NCOR1: variants seen among roughly 807,000 people sequenced by gnomAD.
The protein encoded by NCOR1 is protein phosphatase 1, regulatory subunit 109.
A neutral mutation model predicts 288.1 loss-of-function variants in NCOR1; 63 were observed. The observed-to-expected ratio is 0.22, with a 90% CI of 0.18 to 0.27. The LOEUF (loss-of-function observed/expected upper bound fraction) is 0.27. NCOR1 is among the 10% of genes least tolerant of loss of function. The pLI is 1.00. For synonymous variants in NCOR1, 1,007 were observed against 1,065.9 expected (o/e 0.94, Z 1.08); for missense variants, 2,397 against 3,019.2 (o/e 0.79, Z 4.83).
chr17:16,210,029 A>G (rs953628892), intron 1 of NCOR1, among the ~76,000 whole-genome samples: 1 of 152,204 alleles, frequency 6.6e-6, no homozygotes, highest in African/African-American at 2.4e-5. Flanking sequence ...ATACTTAAAA[A>G]AAAAATCCAG....
chr17:16,089,822 T>C (rs892259663), intron 22 of NCOR1, among the ~76,000 whole-genome samples: 2 of 152,108 alleles, frequency 1.3e-5, no homozygotes, highest in African/African-American at 4.8e-5. Context: ...AACTACAGGA[T>C]AGACTCAAGG....
chr17:16,057,657 G>A lies in NCOR1; in HGVS notation c.6249C>T (p.Asn2083=). Residue 2083 remains asparagine, a synonymous_variant, in exon 40 of 46, where the codon AAC becomes AAT. Transcript: ENST00000268712. ...PQQPPTSTFQ[N]SPSALVSTPV... ...GTGTAGATACCAAAGCAGAAGGTGAGTTCTGGAATGTAGAAGTAGGAGGCT... is the reference window on the plus strand; with the variant it reads ...GTGTAGATACCAAAGCAGAAGGTGAATTCTGGAATGTAGAAGTAGGAGGCT... The A allele has an allele frequency of 1.2e-6, 2 of 1,613,894 alleles. No homozygotes were observed. Among genetic ancestry groups the A allele is most frequent in the Non-Finnish European group, 1.7e-6 (2 of 1,179,968 alleles).
At chr17:16,069,579 A>G (rs1426321561) in intron 31 of NCOR1, among the ~76,000 whole-genome samples, 3 of 152,238 alleles carry the variant, frequency 2.0e-5, no homozygotes, top group Admixed American at 1.3e-4. Flanking sequence ...CAACAATAAT[A>G]ACAACAGTAA....
intron 4 of NCOR1, among the ~76,000 whole-genome samples, chr17:16,166,560 G>A (rs2082044065): frequency 6.6e-6 from 1 of 151,904 alleles, no homozygotes; most frequent in Non-Finnish European, 1.5e-5. Context: ...GGCACCTGTA[G>A]TCCCAGTTAC....
chr17:16,158,626 T>A lies in NCOR1; in HGVS notation c.732+134A>T, dbSNP rs570334122. On this transcript the variant is annotated intron_variant, in intron 6 of 45. Coordinates refer to ENST00000268712, the MANE Select transcript of NCOR1 (RefSeq NM_006311.4). ...ACACCAAGCTTCAGTCAGCCAAAGT[T>A]TATGAACATTCAAAATTGTAAGAGA... is the stretch of plus-strand genomic sequence containing the variant. 6.5e-5 allele frequency: 34 copies of A among 523,436 alleles called. No homozygotes were observed. The East Asian group carries it at 8.5e-4, about 13-fold the overall frequency. 32.4% of individuals were successfully genotyped at this position (523,436 alleles called of 1,614,324 possible).
In NCOR1 at chr17:16,138,301, T is replaced by G. The variant is rs111869420; in HGVS notation, c.1353-89A>C. On this transcript the variant is annotated intron_variant, in intron 12 of 45. Coordinates refer to ENST00000268712, the MANE Select transcript of NCOR1 (RefSeq NM_006311.4). ...AACTTGGGAAAAGAAAGACTATGTATAGGCTGGGCGTGGTGGCTCATGCCT... is the reference window on the plus strand; with the variant it reads ...AACTTGGGAAAAGAAAGACTATGTAGAGGCTGGGCGTGGTGGCTCATGCCT... 1,616 of 1,183,152 alleles carry G rather than the reference T, an allele frequency of 1.4e-3. 23 individuals carry two copies. In the African/African-American group the frequency reaches 0.023, roughly 17 times the overall value. 73.3% of individuals were successfully genotyped at this position (1,183,152 alleles called of 1,614,324 possible).
intron 2 of NCOR1, among the ~76,000 whole-genome samples, chr17:16,192,393 C>T (rs146078549): frequency 3.3e-5 from 5 of 152,144 alleles, no homozygotes; most frequent in Admixed American, 1.3e-4. Context: ...CAGTGGCTCA[C>T]GCCTGTAATC....
Position 16,092,685 on chromosome 17 carries a change from ATATATATATATTTTT to A in NCOR1, c.2821-642_2821-628del, listed in dbSNP as rs1437617090. Among the ~76,000 whole-genome samples the A allele has an allele frequency of 2.0e-3, 27 of 13,846 alleles. 2 individuals are homozygous for A. Among genetic ancestry groups the A allele is most frequent in the South Asian group, 0.012 (3 of 256 alleles). The allele number at this position is 13,846 out of a possible 152,430, so 9.1% of individuals were successfully genotyped here. A position where few individuals can be genotyped will look rare whatever the true frequency, so the allele number is the denominator to read the frequency against. On this transcript the variant is annotated intron_variant, in intron 21 of 45. Coordinates refer to ENST00000268712, the MANE Select transcript of NCOR1 (RefSeq NM_006311.4). Reference sequence around the variant, plus strand: ...TATATATATATATATATATATATATATATATATATATTTTTTTTTTTTTTTTTTTTTAAGACATAG... The same window carrying A: ...TATATATATATATATATATATATATATTTTTTTTTTTTTTTTAAGACATAG...
At chr17:16,114,438 G>T (rs1359763840) in intron 18 of NCOR1, among the ~76,000 whole-genome samples, 20 of 152,084 alleles carry the variant, frequency 1.3e-4, no homozygotes. Context: ...GTCCTCCAAA[G>T]TCTTCACTAA....
At chr17:16,159,336 C>A (rs1401682012) in intron 5 of NCOR1, among the ~76,000 whole-genome samples, 1 of 149,372 alleles carries the variant, frequency 6.7e-6, no homozygotes, top group Non-Finnish European at 1.5e-5. Flanking sequence ...TCACTTGAAC[C>A]CGGGAGGTGG....
chr17:16,197,644 T>C (rs2090085536), intron 1 of NCOR1, among the ~76,000 whole-genome samples: 1 of 152,282 alleles, frequency 6.6e-6, no homozygotes, highest in Middle Eastern at 3.4e-3. Flanking sequence ...GAAAAACTAA[T>C]GTTTTCTGCA....
intron 18 of NCOR1, among the ~76,000 whole-genome samples, chr17:16,109,885 C>A (rs1042203205): frequency 6.6e-6 from 1 of 152,196 alleles, no homozygotes; most frequent in African/African-American, 2.4e-5. Context: ...AAGCACCCGC[C>A]ACCAGGCCCA....
intron 43 of NCOR1, 81 bp from the exon 44 acceptor site, chr17:16,039,735 T>A: frequency 8.0e-7 from 1 of 1,248,940 alleles, no homozygotes; most frequent in Non-Finnish European, 1.1e-6. Flanking sequence ...ATCAGCCCAC[T>A]GAATACACAC....
At chr17:16,073,930 G>A (rs1043406290) in intron 27 of NCOR1, among the ~76,000 whole-genome samples, 1 of 152,200 alleles carries the variant, frequency 6.6e-6, no homozygotes, top group Non-Finnish European at 1.5e-5. Context: ...TCCAGGTTCA[G>A]ATAAGCCTGC....
intron 2 of NCOR1, among the ~76,000 whole-genome samples, chr17:16,191,669 T>C (rs532967620): frequency 2.3e-4 from 35 of 151,876 alleles, no homozygotes; most frequent in Middle Eastern, 3.4e-3. Flanking sequence ...ACATGAGTAA[T>C]TGGAGTCCCA....
intron 40 of NCOR1, among the ~76,000 whole-genome samples, chr17:16,053,481 C>T (rs762422198): frequency 1.8e-4 from 27 of 151,974 alleles, no homozygotes; most frequent in Non-Finnish European, 2.9e-4. Flanking sequence ...ATACAGCTAA[C>T]CAGGGAGGTG....
chr17:16,151,876 T>C, intron 8 of NCOR1, 70 bp downstream of exon 8: 1 of 1,163,052 alleles, frequency 8.6e-7, no homozygotes, highest in Non-Finnish European at 1.3e-6. Flanking sequence ...TGTCAGCAGA[T>C]AACAAAAATG....
intron 18 of NCOR1, among the ~76,000 whole-genome samples, chr17:16,116,297 T>C (rs574030635): frequency 1.3e-5 from 2 of 152,194 alleles, no homozygotes; most frequent in Non-Finnish European, 1.5e-5. Context: ...TATAACATCA[T>C]GAAATGGCCA....
At chr17:16,088,878 A>T (rs1459966894) in intron 22 of NCOR1, among the ~76,000 whole-genome samples, 1 of 152,122 alleles carries the variant, frequency 6.6e-6, no homozygotes, top group Non-Finnish European at 1.5e-5. Flanking sequence ...GGAATTTCAG[A>T]TGTCTCTGGT....
Sources: allele counts gnomAD v4.1 joint callset (sites outside exome capture counted in the v4.1 genomes callset), GRCh38; gene constraint gnomAD v4.1.1; transcripts MANE v1.5; gene names NCBI Gene and HGNC (gene_info 2026-07-23, HGNC 2026-07-21).